IQCB1: variants seen among roughly 807,000 people sequenced by gnomAD.
The protein encoded by IQCB1 is IQ calmodulin-binding motif-containing protein 1.
In IQCB1, 56 loss-of-function variants were observed where a neutral mutation model predicts 84.4. The ratio of observed to expected loss-of-function variants is 0.66; its 90% CI spans 0.54 to 0.83. The LOEUF is 0.83. Ranked by LOEUF, IQCB1 falls within the 40% of genes least tolerant of loss-of-function variation. The pLI, the probability that IQCB1 is intolerant of heterozygous loss-of-function variation, is 0.00. For missense variants in IQCB1, 629 were observed against 682.1 expected (o/e 0.92, Z 0.87); for synonymous variants, 210 against 234.8 (o/e 0.89, Z 0.96).
At chr3:121,775,103 G>A (rs1948169394) in intron 13 of IQCB1, among the ~76,000 whole-genome samples, 1 of 152,110 alleles carries the variant, frequency 6.6e-6, no homozygotes, top group African/African-American at 2.4e-5. Context: ...CTGATTATCT[G>A]TTTGTTGGAG....
rs1229772379 is a variant in IQCB1, at chr3:121,770,390, A to G, written c.1752T>C (p.Ser584=). 8 of 1,613,976 alleles carry G rather than the reference A, an allele frequency of 5.0e-6. No individual in the cohort carries two copies. Among genetic ancestry groups the G allele is most frequent in the South Asian group, 1.1e-5 (1 of 91,092 alleles). ...DEIDVPKDEL[S]IELENLFIGG... ...CAATGAATAAATTTTCTAATTCTAT[A>G]CTAAGCTCATCCTTTGGAACATCAA... Residue 584 remains serine, a synonymous_variant, in exon 15 of 15, where the codon AGT becomes AGC. Coordinates refer to ENST00000310864, the MANE Select transcript of IQCB1 (RefSeq NM_001023570.4).
chr3:121,834,956 G>A lies in IQCB1; in HGVS notation c.-102+10C>T, dbSNP rs1193575687. Reference sequence around the variant, plus strand: ...CTCTCCCTCCCCAGCCACCACCTCAGATAAGTTACCTCATCCTCGCTTCGC... The same window carrying A: ...CTCTCCCTCCCCAGCCACCACCTCAAATAAGTTACCTCATCCTCGCTTCGC... On this transcript the variant is annotated intron_variant, in intron 1 of 14. Coordinates refer to ENST00000310864, the MANE Select transcript of IQCB1 (RefSeq NM_001023570.4). The A allele has an allele frequency of 2.4e-6, 1 of 414,252 alleles. No individual in the cohort carries two copies. The highest frequency in any genetic ancestry group is 2.0e-5 in the African/African-American group (1 of 49,772). 25.7% of individuals were successfully genotyped at this position (414,252 alleles called of 1,614,324 possible).
chr3:121,798,089 C>T (rs1253933816), intron 8 of IQCB1, among the ~76,000 whole-genome samples: 2 of 151,912 alleles, frequency 1.3e-5, no homozygotes, highest in Non-Finnish European at 2.9e-5. Flanking sequence ...TTTATAACGA[C>T]TCTGTTGGAC....
chr3:121,786,170 C>CAAAAGAAAAGAAAAGAAAAGAAAAAAAG (rs1948712799), intron 12 of IQCB1, among the ~76,000 whole-genome samples: 8 of 72,848 alleles, frequency 1.1e-4, no homozygotes, highest in Middle Eastern at 5.0e-3. Flanking sequence ...GATTCTGTCT[C>CAAAAGAAAAGAAAAGAAAAGAAAAAAAG]AAAAGAAAAG....
At chr3:121,830,475 G>C (rs1413242406) in intron 2 of IQCB1, among the ~76,000 whole-genome samples, 1 of 151,776 alleles carries the variant, frequency 6.6e-6, no homozygotes, top group South Asian at 2.1e-4. Flanking sequence ...CTTATTTATA[G>C]TAAAGCTAAC....
chr3:121,772,173 C>G (rs1948024127), intron 14 of IQCB1, among the ~76,000 whole-genome samples: 1 of 151,986 alleles, frequency 6.6e-6, no homozygotes, highest in Non-Finnish European at 1.5e-5. Context: ...GACTCCGTCT[C>G]AAAATAATAA....
At chr3:121,812,812 A>G (rs1949881300) in intron 5 of IQCB1, among the ~76,000 whole-genome samples, 1 of 152,234 alleles carries the variant, frequency 6.6e-6, no homozygotes, top group Non-Finnish European at 1.5e-5. Flanking sequence ...CCTGAAGGTG[A>G]TGGGGAGAAT....
chr3:121,805,944 G>C lies in IQCB1; in HGVS notation c.587+1400C>G, dbSNP rs1230488055. The stretch of plus-strand genomic sequence containing the variant: ...TCTATCACTTCAACTCAAGCTGGCT[G>C]GGATGCCTCTCCCTATACTTCAACC... On this transcript the variant is annotated intron_variant, in intron 7 of 14. Transcript: ENST00000310864. Among the ~76,000 whole-genome samples the C allele has an allele frequency of 9.2e-5, 14 of 152,016 alleles. 1 individual carries two copies. Among genetic ancestry groups the C allele is most frequent in the Admixed American group, 9.2e-4 (14 of 15,238 alleles).
intron 14 of IQCB1, among the ~76,000 whole-genome samples, chr3:121,772,085 G>T (rs901853633): frequency 6.6e-6 from 1 of 152,142 alleles, no homozygotes; most frequent in East Asian, 1.9e-4. Context: ...TGAGGCAGGA[G>T]AATCGCTTGA....
chr3:121,807,081 G>C (rs751236408), intron 7 of IQCB1, among the ~76,000 whole-genome samples: 2 of 150,490 alleles, frequency 1.3e-5, no homozygotes, highest in Non-Finnish European at 3.0e-5. Context: ...TCTGGTATAA[G>C]GTATCAATTT....
intron 5 of IQCB1, 151 bp downstream of exon 5, chr3:121,825,900 G>C: frequency 1.3e-6 from 1 of 762,726 alleles, no homozygotes; most frequent in Admixed American, 2.7e-5. Context: ...TTCAAACATA[G>C]AGATGATTTT....
intron 5 of IQCB1, among the ~76,000 whole-genome samples, chr3:121,822,294 T>C (rs1950302270): frequency 6.6e-6 from 1 of 152,226 alleles, no homozygotes; most frequent in African/African-American, 2.4e-5. Context: ...TATCTTCTAT[T>C]GGTTCTGTTT....
chr3:121,822,799 C>T (rs1268135197), intron 5 of IQCB1, among the ~76,000 whole-genome samples: 1 of 152,166 alleles, frequency 6.6e-6, no homozygotes, highest in Non-Finnish European at 1.5e-5. Flanking sequence ...CAAGCCTCCA[C>T]AGGAACAATT....
At chr3:121,811,377 T>C (rs1354164809) in intron 5 of IQCB1, among the ~76,000 whole-genome samples, 1 of 152,196 alleles carries the variant, frequency 6.6e-6, no homozygotes. Flanking sequence ...CACGAGTTTC[T>C]TTTTGTACCT....
chr3:121,801,952 T>C (rs1474858792), intron 7 of IQCB1, among the ~76,000 whole-genome samples: 1 of 151,834 alleles, frequency 6.6e-6, no homozygotes, highest in Non-Finnish European at 1.5e-5. Context: ...GACTTCAGAA[T>C]ATTAAACCAG....
At chr3:121,809,034 T>A (rs1361576738) in intron 5 of IQCB1, 25 bp from the exon 6 acceptor site, 1 of 1,432,482 alleles carries the variant, frequency 7.0e-7, no homozygotes, top group East Asian at 2.3e-5. Context: ...TAAGCCCAGT[T>A]TACTTTTCTA....
chr3:121,816,176 T>C (rs1265124696), intron 5 of IQCB1, among the ~76,000 whole-genome samples: 1 of 152,100 alleles, frequency 6.6e-6, no homozygotes, highest in Non-Finnish European at 1.5e-5. Flanking sequence ...GGGAAAGGAT[T>C]CCCTATTTAA....
intron 12 of IQCB1, among the ~76,000 whole-genome samples, chr3:121,786,066 G>C (rs1326944891): frequency 2.7e-5 from 4 of 149,830 alleles, no homozygotes; most frequent in African/African-American, 9.9e-5. Context: ...AGCTACTGTG[G>C]AGGCTGAGGT....
intron 5 of IQCB1, among the ~76,000 whole-genome samples, chr3:121,825,602 T>C (rs996713407): frequency 6.6e-6 from 1 of 152,178 alleles, no homozygotes; most frequent in African/African-American, 2.4e-5. Flanking sequence ...TCTAGCATAA[T>C]GCAACCAAGA....
Sources: allele counts gnomAD v4.1 joint callset (sites outside exome capture counted in the v4.1 genomes callset), GRCh38; gene constraint gnomAD v4.1.1; transcripts MANE v1.5; gene names NCBI Gene and HGNC (gene_info 2026-07-23, HGNC 2026-07-21).